CMSS1: variants seen among roughly 807,000 people sequenced by gnomAD.
CMSS1 encodes the protein protein CMSS1.
CMSS1 carries 33 observed loss-of-function variants against 43.5 expected under a neutral mutation model. The ratio of observed to expected loss-of-function variants is 0.76; its 90% CI spans 0.57 to 1.01. The LOEUF (loss-of-function observed/expected upper bound fraction) is 1.01. CMSS1 is among the 50% of genes least tolerant of loss of function. The pLI, the probability that CMSS1 is intolerant of heterozygous loss-of-function variation, is 0.00. For missense variants in CMSS1, 313 were observed against 326.4 expected (o/e 0.96, Z 0.32); for synonymous variants, 115 against 117.2 (o/e 0.98, Z 0.12).
chr3:100,099,998 A>T (rs189284015), intron 1 of CMSS1, among the ~76,000 whole-genome samples: 1 of 152,308 alleles, frequency 6.6e-6, no homozygotes, highest in African/African-American at 2.4e-5. Flanking sequence ...GGAGAGAAAA[A>T]AGTTTGACAC....
At chr3:99,924,225 C>T (rs764315157) in intron 1 of CMSS1, 4 of 1,612,196 alleles carry the variant, frequency 2.5e-6, no homozygotes, top group Non-Finnish European at 3.4e-6. Flanking sequence ...CCAAAGCAGC[C>T]TTACCTTTCA....
intron 1 of CMSS1, chr3:99,830,409 A>G (rs1242495848): frequency 2.3e-6 from 1 of 435,718 alleles, no homozygotes; most frequent in East Asian, 7.0e-5. Context: ...GTGCATTGGT[A>G]TGAGTTACCT....
intron 1 of CMSS1, among the ~76,000 whole-genome samples, chr3:100,073,174 G>A (rs2065790702): frequency 1.3e-5 from 2 of 152,092 alleles, no homozygotes; most frequent in Admixed American, 1.3e-4. Context: ...ACAAATTATA[G>A]CCTGTGGGCC....
intron 1 of CMSS1, among the ~76,000 whole-genome samples, chr3:99,929,511 AGAGT>A (rs1337328634): frequency 3.2e-5 from 4 of 123,944 alleles, no homozygotes; most frequent in Admixed American, 1.6e-4. Context: ...GCAAGTTCCC[AGAGT>A]GTGTGTGTGT....
At chr3:100,131,159 T>A (rs1193834837) in intron 1 of CMSS1, among the ~76,000 whole-genome samples, 1 of 152,176 alleles carries the variant, frequency 6.6e-6, no homozygotes, top group African/African-American at 2.4e-5. Flanking sequence ...ACTGTTAATA[T>A]CCCTGTTTTA....
rs764653149 is a variant in CMSS1, at chr3:100,167,809, A to G, written c.487A>G (p.Ser163Gly). 1.1e-5 allele frequency: 17 copies of G among 1,613,180 alleles called. No individual in the cohort carries two copies. In the South Asian group the frequency reaches 1.4e-4, roughly 14 times the overall value. Residue 163 changes from serine (S) to glycine (G), a missense_variant, in exon 6 of 10, where the codon AGC becomes GGC. Coordinates refer to ENST00000421999, the MANE Select transcript of CMSS1 (RefSeq NM_032359.4). ...ATCGGTCCTGATGCTGATCATCTGCAGCTCGGCCGTCCGAGCCCTGGAGCT... is the reference window on the plus strand; with the variant it reads ...ATCGGTCCTGATGCTGATCATCTGCGGCTCGGCCGTCCGAGCCCTGGAGCT... ...KKSVLMLIIC[S>G]SAVRALELIR...
chr3:99,977,052 C>G (rs1421609804), intron 1 of CMSS1, among the ~76,000 whole-genome samples: 1 of 152,192 alleles, frequency 6.6e-6, no homozygotes, highest in Non-Finnish European at 1.5e-5. Flanking sequence ...TTCTTAACTA[C>G]TAATAGCACC....
At chr3:99,845,158 G>A (rs541851896) in intron 1 of CMSS1, among the ~76,000 whole-genome samples, 85 of 152,258 alleles carry the variant, frequency 5.6e-4, no homozygotes, top group African/African-American at 2.0e-3. Flanking sequence ...TTTCTTATGT[G>A]TACAGATTCA....
chr3:100,116,261 T>C (rs564171838), intron 1 of CMSS1, among the ~76,000 whole-genome samples: 1 of 152,340 alleles, frequency 6.6e-6, no homozygotes, highest in East Asian at 1.9e-4. Context: ...AAATAAACTT[T>C]CTTAGAGTGA....
Position 99,817,984 on chromosome 3 carries a change from C to T in CMSS1, c.5C>T (p.Ala2Val). Reference protein sequence around the residue: MADDLGDEWWEN... With the variant: MVDDLGDEWWEN... ...CACGTCGAGACCTGAGCTGAAATGG[C>T]AGACGATCTCGGAGACGAGTGGTGG... is the stretch of plus-strand genomic sequence containing the variant. The change falls in exon 1 of 10, where the codon GCA (alanine) becomes GTA (valine). Residue 2 changes from alanine (A) to valine (V), a missense_variant. Physicochemically the swap from Ala to Val is moderately conservative, Grantham distance 64 (BLOSUM62 0). Coordinates refer to ENST00000421999, the MANE Select transcript of CMSS1 (RefSeq NM_032359.4). The T allele has an allele frequency of 6.2e-7, 1 of 1,614,038 alleles. No homozygotes were observed. Among genetic ancestry groups the T allele is most frequent in the Non-Finnish European group, 8.5e-7 (1 of 1,179,982 alleles).
At chr3:100,114,950 G>A (rs766057622) in intron 1 of CMSS1, 17 of 1,535,288 alleles carry the variant, frequency 1.1e-5, no homozygotes, top group Admixed American at 5.9e-5. Context: ...CAGGAGACAC[G>A]AGGGCAAAGT....
At chr3:100,037,939 CT>C (rs150366639) in intron 1 of CMSS1, among the ~76,000 whole-genome samples, 57 of 118,174 alleles carry the variant, frequency 4.8e-4, no homozygotes, top group African/African-American at 1.5e-3. Context: ...AATCGCTTTT[CT>C]TTTTTTTTTT....
intron 1 of CMSS1, among the ~76,000 whole-genome samples, chr3:99,829,174 A>G (rs1020446896): frequency 1.3e-5 from 2 of 152,178 alleles, no homozygotes; most frequent in African/African-American, 4.8e-5. Context: ...TTCCAGGGTC[A>G]TGCTTCCAGT....
chr3:100,153,436 A>G (rs1370726386), intron 2 of CMSS1, among the ~76,000 whole-genome samples: 2 of 152,232 alleles, frequency 1.3e-5, no homozygotes, highest in Admixed American at 6.5e-5. Flanking sequence ...ACAAAATGCC[A>G]TAGACAGGGT....
At chr3:99,909,718 A>G (rs567574849) in intron 1 of CMSS1, among the ~76,000 whole-genome samples, 1 of 152,342 alleles carries the variant, frequency 6.6e-6, no homozygotes, top group South Asian at 2.1e-4. Context: ...TATTTAACTC[A>G]TAATAACTTA....
At chr3:100,023,554 G>C (rs1031245119) in intron 1 of CMSS1, 8 of 152,574 alleles carry the variant, frequency 5.2e-5, no homozygotes, top group Admixed American at 1.3e-4. Flanking sequence ...CAGTTTCTTG[G>C]GGGGAGAGAA....
At chr3:100,001,133 A>C (rs1411244990) in intron 1 of CMSS1, among the ~76,000 whole-genome samples, 2 of 152,198 alleles carry the variant, frequency 1.3e-5, no homozygotes, top group African/African-American at 4.8e-5. Flanking sequence ...AAATTGGCTT[A>C]GATTTAAATA....
At chr3:99,839,010 C>G (rs1393566507) in intron 1 of CMSS1, among the ~76,000 whole-genome samples, 1 of 152,120 alleles carries the variant, frequency 6.6e-6, no homozygotes, top group Non-Finnish European at 1.5e-5. Context: ...GCTCACTGTT[C>G]CTTGAATGTT....
intron 1 of CMSS1, among the ~76,000 whole-genome samples, chr3:100,059,208 T>C (rs1306001946): frequency 6.6e-6 from 1 of 152,242 alleles, no homozygotes; most frequent in African/African-American, 2.4e-5. Flanking sequence ...CTAGGTTGTT[T>C]CTGTCCAGTT....
Sources: allele counts gnomAD v4.1 joint callset (sites outside exome capture counted in the v4.1 genomes callset), GRCh38; gene constraint gnomAD v4.1.1; transcripts MANE v1.5; gene names NCBI Gene and HGNC (gene_info 2026-07-23, HGNC 2026-07-21).